The following PCDHA8 variants were observed in gnomAD, a reference collection of about 807,000 sequenced individuals.
The protein encoded by PCDHA8 is protocadherin alpha-8.
A neutral mutation model predicts 61.8 loss-of-function variants in PCDHA8; 53 were observed. That is an observed-to-expected ratio of 0.86 (90% CI 0.69 to 1.08). The LOEUF is 1.08. Ranked by LOEUF, PCDHA8 falls within the 50% of genes least tolerant of loss-of-function variation. The probability of loss-of-function intolerance (pLI) is 0.00; values close to 1 mark genes in which losing one functional copy is unlikely to be tolerated. For synonymous variants in PCDHA8, 618 were observed against 556.6 expected, an observed-to-expected ratio of 1.11 and a Z score of -1.55; for missense variants, 1,293 against 1,245.0, an observed-to-expected ratio of 1.04 and a Z score of -0.58.
chr5:140,932,866 T>C (rs1584758563), intron 1 of PCDHA8, among the ~76,000 whole-genome samples: 1 of 151,996 alleles, frequency 6.6e-6, no homozygotes, highest in Non-Finnish European at 1.5e-5. Flanking sequence ...TTATTGTCTT[T>C]TGTTGTCTTC....
chr5:140,857,883 C>T (rs782327077), intron 1 of PCDHA8: 1 of 1,597,548 alleles, frequency 6.3e-7, no homozygotes, highest in Admixed American at 1.7e-5. Context: ...GAATTGCAGT[C>T]GGCGGCGGTT....
At chr5:140,850,070 C>T (rs2041326470) in intron 1 of PCDHA8, 3 of 1,596,448 alleles carry the variant, frequency 1.9e-6, no homozygotes, top group Admixed American at 1.7e-5. Context: ...CGTTGGACCA[C>T]GAGGAGCTGG....
chr5:140,858,291 A>C (rs782112368), intron 1 of PCDHA8: 1 of 1,597,182 alleles, frequency 6.3e-7, no homozygotes, highest in South Asian at 1.1e-5. Flanking sequence ...AGCTGGTCTT[A>C]CTCGCAGCAG....
chr5:140,921,057 C>G (rs2079994477), intron 1 of PCDHA8, among the ~76,000 whole-genome samples: 1 of 151,924 alleles, frequency 6.6e-6, no homozygotes, highest in African/African-American at 2.4e-5. Flanking sequence ...ATAGCTCACT[C>G]TAACCTTGAA....
chr5:140,965,206 T>A (rs2095879920), intron 1 of PCDHA8, among the ~76,000 whole-genome samples: 1 of 152,238 alleles, frequency 6.6e-6, no homozygotes. Flanking sequence ...AGATTTCAAA[T>A]TCCTGTGGAA....
chr5:140,953,101 T>C (rs1297450101), intron 1 of PCDHA8, among the ~76,000 whole-genome samples: 1 of 152,130 alleles, frequency 6.6e-6, no homozygotes, highest in Non-Finnish European at 1.5e-5. Context: ...TGACATGAGA[T>C]TTGGGCAGGG....
At chr5:140,930,649 G>A (rs1300720133) in intron 1 of PCDHA8, among the ~76,000 whole-genome samples, 1 of 152,156 alleles carries the variant, frequency 6.6e-6, no homozygotes, top group Non-Finnish European at 1.5e-5. Context: ...GGAAAATGAA[G>A]CATTCCTTGT....
At chr5:140,995,352 C>T (rs976879377) in intron 3 of PCDHA8, among the ~76,000 whole-genome samples, 2 of 152,006 alleles carry the variant, frequency 1.3e-5, no homozygotes, top group Non-Finnish European at 2.9e-5. Context: ...ATGGATAGGT[C>T]GGACAGAGGG....
At chr5:140,938,709 T>C (rs1473474040) in intron 1 of PCDHA8, among the ~76,000 whole-genome samples, 2 of 152,176 alleles carry the variant, frequency 1.3e-5, no homozygotes, top group African/African-American at 2.4e-5. Context: ...ATGTTTATGA[T>C]AGAAACGCGT....
At chr5:140,883,744 C>T (rs782708384) in intron 1 of PCDHA8, 1 of 1,613,374 alleles carries the variant, frequency 6.2e-7, no homozygotes, top group South Asian at 1.1e-5. Flanking sequence ...TGGTCTCCTA[C>T]TCGCTGGTGG....
chr5:140,913,558 G>T (rs1042223174), intron 1 of PCDHA8, among the ~76,000 whole-genome samples: 5 of 151,668 alleles, frequency 3.3e-5, no homozygotes, highest in Admixed American at 3.3e-4. Flanking sequence ...TTGATCTCTT[G>T]TATTTTCATC....
In PCDHA8 at chr5:140,843,633, C is replaced by T. The variant is rs1554140304; in HGVS notation, c.2312C>T (p.Ala771Val). 6.3e-7 allele frequency: 1 copy of T among 1,595,708 alleles called. No homozygotes were observed. Among genetic ancestry groups the T allele is most frequent in the Admixed American group, 1.7e-5 (1 of 59,294 alleles). Reference protein sequence around the residue: ...GEGPPKTDLMAFSPCLPPDLG... With the variant: ...GEGPPKTDLMVFSPCLPPDLG... ...GGGCCACCGAAGACGGACCTCATGG[C>T]CTTCAGCCCCTGCCTTCCTCCTGAT... Residue 771 changes from alanine (A) to valine (V), a missense_variant, in exon 1 of 4, where the codon GCC (alanine) becomes GTC (valine). By Grantham distance (64) the Ala-to-Val change is moderately conservative. Transcript: ENST00000531613.
At chr5:140,876,991 T>C in intron 1 of PCDHA8, 1 of 1,612,564 alleles carries the variant, frequency 6.2e-7, no homozygotes, top group Non-Finnish European at 8.5e-7. Flanking sequence ...ACTGTCGAGC[T>C]ACGTGTCGGT....
At chr5:140,872,432 G>T (rs2053660736) in intron 1 of PCDHA8, among the ~76,000 whole-genome samples, 1 of 152,026 alleles carries the variant, frequency 6.6e-6, no homozygotes, top group Non-Finnish European at 1.5e-5. Context: ...TTCGAGGCCT[G>T]CCTGGACAAC....
Position 140,843,872 on chromosome 5 carries a change from G to A in PCDHA8, c.2394+157G>A, listed in dbSNP as rs2150367258. ...TTTTATAATTAATTGAATTTTCTCA[G>A]TGGCATAATACAGTATTAATCATTC... On this transcript the variant is annotated intron_variant, in intron 1 of 3. Transcript: ENST00000531613. The A allele has an allele frequency of 1.5e-4, 121 of 801,174 alleles. 7 individuals carry two copies. The highest frequency in any genetic ancestry group is 2.3e-4 in the Non-Finnish European group (116 of 509,628). The allele number at this position is 801,174 out of a possible 1,614,324, so 49.6% of individuals were successfully genotyped here.
In PCDHA8 at chr5:140,848,706, C is replaced by T. The variant is rs2150418265; in HGVS notation, c.2394+4991C>T. On this transcript the variant is annotated intron_variant, in intron 1 of 3. Coordinates refer to ENST00000531613, the MANE Select transcript of PCDHA8 (RefSeq NM_018911.3). ...CCTGTTCCAGTTGGATTCCAAAGGC[C>T]GCGGGGACCTTCTGGAGGTAAATCT... 43 of 1,592,328 alleles carry T rather than the reference C, an allele frequency of 2.7e-5. 5 individuals are homozygous for T. In the South Asian group the frequency reaches 4.1e-4, roughly 15 times the overall value.
At chr5:140,936,185 G>A (rs563044758) in intron 1 of PCDHA8, among the ~76,000 whole-genome samples, 10 of 152,060 alleles carry the variant, frequency 6.6e-5, no homozygotes, top group Non-Finnish European at 1.0e-4. Context: ...AAACCACCAC[G>A]CCCAGCCAAA....
intron 1 of PCDHA8, among the ~76,000 whole-genome samples, chr5:140,977,568 G>A (rs547387044): frequency 1.3e-5 from 2 of 152,312 alleles, no homozygotes; most frequent in East Asian, 1.9e-4. Context: ...TAGCAGATTG[G>A]TAGAATAGAG....
intron 1 of PCDHA8, chr5:140,863,268 G>A: frequency 6.9e-7 from 1 of 1,459,352 alleles, no homozygotes; most frequent in Non-Finnish European, 9.3e-7. Context: ...GGGAGGCAGC[G>A]CTGGTGGATG....
Sources: allele counts gnomAD v4.1 joint callset (sites outside exome capture counted in the v4.1 genomes callset), GRCh38; gene constraint gnomAD v4.1.1; transcripts MANE v1.5; gene names NCBI Gene and HGNC (gene_info 2026-07-23, HGNC 2026-07-21).